RBMS3: variants seen among roughly 807,000 people sequenced by gnomAD.
RBMS3 encodes the protein RNA binding motif single stranded interacting protein 3, also known as RNA-binding motif, single-stranded-interacting protein 3.
A neutral mutation model predicts 66.8 loss-of-function variants in RBMS3; 27 were observed. The observed-to-expected ratio is 0.40, with a 90% CI of 0.30 to 0.56. RBMS3 has a LOEUF of 0.56. Ranked by LOEUF, RBMS3 falls within the 20% of genes least tolerant of loss-of-function variation. The pLI, the probability that RBMS3 is intolerant of heterozygous loss-of-function variation, is 0.40. For missense variants in RBMS3, 513 were observed against 549.5 expected, an observed-to-expected ratio of 0.93 and a Z score of 0.66; for synonymous variants, 188 against 183.0, an observed-to-expected ratio of 1.03 and a Z score of -0.22.
chr3:29,731,213 T>A (rs138391130), intron 4 of RBMS3, among the ~76,000 whole-genome samples: 1 of 152,330 alleles, frequency 6.6e-6, no homozygotes, highest in African/African-American at 2.4e-5. Flanking sequence ...AACCTTCCAA[T>A]TGAACTTGAG....
At chr3:29,861,124 T>C (rs553904819) in intron 6 of RBMS3, among the ~76,000 whole-genome samples, 50 of 152,328 alleles carry the variant, frequency 3.3e-4, no homozygotes, top group African/African-American at 1.2e-3. Flanking sequence ...ATTTTTTCAA[T>C]TGAGAAATAA....
Position 29,361,983 on chromosome 3 carries a change from A to G in RBMS3, c.76-72760A>G, listed in dbSNP as rs1432350683. Among the ~76,000 whole-genome samples the G allele has an allele frequency of 2.6e-5, 4 of 152,086 alleles. No homozygotes were observed. In the East Asian group the frequency reaches 7.7e-4, roughly 29 times the overall value. On this transcript the variant is annotated intron_variant, in intron 1 of 14. Coordinates refer to ENST00000383767, the MANE Select transcript of RBMS3 (RefSeq NM_001003793.3). ...TTTCAAGGTTTTTAACTTCTTTGCA[A>G]TGGGTTTGAACTTCCTTCTTTAGCT...
In RBMS3 at chr3:29,467,174, A is replaced by G. The variant is rs188449038; in HGVS notation, c.249-21267A>G. On this transcript the variant is annotated intron_variant, in intron 2 of 14. Transcript: ENST00000383767. ...GTGCCTTTTGCTTAAATTTTGGCAT[A>G]CCATGAAATGTCTTTCTGTATTAGC... 1.6e-3 allele frequency among the ~76,000 whole-genome samples: 247 copies of G among 152,222 alleles called. 1 individual carries two copies. The highest frequency in any genetic ancestry group is 5.8e-3 in the African/African-American group (241 of 41,564).
intron 4 of RBMS3, among the ~76,000 whole-genome samples, chr3:29,639,752 T>C (rs775608645): frequency 1.3e-5 from 2 of 151,772 alleles, no homozygotes; most frequent in Non-Finnish European, 2.9e-5. Context: ...GAGAGAAGGA[T>C]GAGTGTGAGA....
intron 10 of RBMS3, among the ~76,000 whole-genome samples, chr3:29,921,850 C>G (rs1158012418): frequency 6.6e-6 from 1 of 152,128 alleles, no homozygotes; most frequent in Non-Finnish European, 1.5e-5. Context: ...GTATGTTTTT[C>G]AGCTTGATAC....
chr3:29,313,287 T>C (rs1157454218), intron 1 of RBMS3, among the ~76,000 whole-genome samples: 1 of 151,762 alleles, frequency 6.6e-6, no homozygotes, highest in Middle Eastern at 3.2e-3. Flanking sequence ...AGGAAACATG[T>C]AAAAGTCCTT....
intron 4 of RBMS3, among the ~76,000 whole-genome samples, chr3:29,654,230 C>A (rs1576447131): frequency 6.6e-6 from 1 of 152,232 alleles, no homozygotes; most frequent in Non-Finnish European, 1.5e-5. Context: ...ACCTATTTTA[C>A]AAATGATAAA....
chr3:29,297,455 A>G (rs2033353715), intron 1 of RBMS3, among the ~76,000 whole-genome samples: 1 of 151,882 alleles, frequency 6.6e-6, no homozygotes, highest in Non-Finnish European at 1.5e-5. Context: ...GGCTCCGATC[A>G]ATGCTATTCA....
intron 2 of RBMS3, among the ~76,000 whole-genome samples, chr3:29,471,626 T>A (rs1335600837): frequency 6.6e-6 from 1 of 151,752 alleles, no homozygotes; most frequent in African/African-American, 2.4e-5. Flanking sequence ...GGCTTATTTA[T>A]AAGAAATAAA....
chr3:29,528,309 C>T (rs2045216672), intron 3 of RBMS3, among the ~76,000 whole-genome samples: 1 of 152,060 alleles, frequency 6.6e-6, no homozygotes, highest in Non-Finnish European at 1.5e-5. Context: ...GATGGGGTTT[C>T]ACCATGTTGA....
chr3:30,003,765 CTT>C (rs1699717017), intron 14 of RBMS3, 89 bp from the exon 15 acceptor site: 10 of 902,832 alleles, frequency 1.1e-5, no homozygotes, highest in Non-Finnish European at 1.6e-5. Context: ...AGCTTGGTAT[CTT>C]TTAAAGCTGC....
chr3:29,906,219 T>C (rs2060375397), intron 10 of RBMS3, among the ~76,000 whole-genome samples: 1 of 152,104 alleles, frequency 6.6e-6, no homozygotes. Flanking sequence ...TTTTTTGCTG[T>C]GGCTATAACA....
intron 3 of RBMS3, among the ~76,000 whole-genome samples, chr3:29,583,050 A>G (rs1293638608): frequency 6.6e-6 from 1 of 152,110 alleles, no homozygotes; most frequent in Non-Finnish European, 1.5e-5. Flanking sequence ...GGAACCATCA[A>G]TACAGATATT....
intron 2 of RBMS3, among the ~76,000 whole-genome samples, chr3:29,450,780 G>A (rs2041986030): frequency 1.3e-5 from 2 of 152,050 alleles, no homozygotes; most frequent in Admixed American, 6.6e-5. Context: ...GAAGGAATAA[G>A]GGAAGCATAT....
chr3:29,569,100 G>A (rs531643283), intron 3 of RBMS3, among the ~76,000 whole-genome samples: 78 of 152,260 alleles, frequency 5.1e-4, no homozygotes, highest in African/African-American at 1.8e-3. Context: ...CATCTGAGCA[G>A]CAAAGTAGAA....
intron 1 of RBMS3, among the ~76,000 whole-genome samples, chr3:29,302,134 C>T (rs960805499): frequency 3.3e-5 from 5 of 152,004 alleles, no homozygotes; most frequent in Admixed American, 6.6e-5. Context: ...CTCAACCTCC[C>T]GAATAGCTGG....
intron 4 of RBMS3, among the ~76,000 whole-genome samples, chr3:29,666,779 C>T (rs2050780800): frequency 6.6e-6 from 1 of 152,008 alleles, no homozygotes; most frequent in South Asian, 2.1e-4. Flanking sequence ...TAAAAAATAA[C>T]TGGTTACTTT....
intron 3 of RBMS3, among the ~76,000 whole-genome samples, chr3:29,528,214 G>A (rs981873056): frequency 6.7e-6 from 1 of 149,698 alleles, no homozygotes; most frequent in African/African-American, 2.5e-5. Flanking sequence ...ACAGGTCCAA[G>A]CAATTCTCCT....
Position 29,880,651 on chromosome 3 carries a change from G to GTGCTA in RBMS3, c.745-3509_745-3505dup. ...CAGGTGTATCCAAGTGTTAGTTATT[G>GTGCTA]TGCTATTATATTCAGCCAATGGGTT... On this transcript the variant is annotated intron_variant, in intron 7 of 14. Transcript: ENST00000383767. The GTGCTA allele has an allele frequency of 5.2e-6, 4 of 771,366 alleles. No individual in the cohort carries two copies. The Admixed American group carries it at 8.4e-5, about 16-fold the overall frequency. The allele number at this position is 771,366 out of a possible 1,614,324, so 47.8% of individuals were successfully genotyped here.
Sources: gnomAD v4.1 joint callset for allele counts (sites outside exome capture counted in the v4.1 genomes callset) on GRCh38, gnomAD v4.1.1 for gene constraint, MANE v1.5 for transcripts, NCBI Gene and HGNC (gene_info 2026-07-23, HGNC 2026-07-21) for gene names.